The following SLC35F4 variants were observed in gnomAD, a reference collection of about 807,000 sequenced individuals.
SLC35F4 encodes solute carrier family 35 member F4.
In SLC35F4, 24 loss-of-function variants were observed where a neutral mutation model predicts 44.2. The ratio of observed to expected loss-of-function variants is 0.54; its 90% CI spans 0.39 to 0.76. The LOEUF is 0.76. Among genes scored for constraint, SLC35F4 ranks in the 30% least tolerant of loss-of-function variants. The pLI, the probability that SLC35F4 is intolerant of heterozygous loss-of-function variation, is 0.00. For synonymous variants in SLC35F4, 238 were observed against 223.6 expected (o/e 1.06, Z -0.57); for missense variants, 562 against 586.1 (o/e 0.96, Z 0.42).
Position 57,638,388 on chromosome 14 carries a change from A to T in SLC35F4, c.104-44264T>A, listed in dbSNP as rs980020671. Among the ~76,000 whole-genome samples the T allele has an allele frequency of 3.3e-5, 5 of 152,228 alleles. No homozygotes were observed. The South Asian group carries it at 6.2e-4, about 19-fold the overall frequency. ...TAAAAGTCTCAGCCCCAGAGTGAAC[A>T]TGGGTTGTGTGTAACATGTATGTTT... is the stretch of plus-strand genomic sequence containing the variant. On this transcript the variant is annotated intron_variant, in intron 1 of 7. Transcript: ENST00000556826.
chr14:57,706,560 A>T (rs2075681600), intron 1 of SLC35F4, among the ~76,000 whole-genome samples: 1 of 152,210 alleles, frequency 6.6e-6, no homozygotes, highest in African/African-American at 2.4e-5. Flanking sequence ...AGAAATTCAG[A>T]TGCTATTTGA....
At chr14:57,711,569 C>T (rs1242195065) in intron 1 of SLC35F4, among the ~76,000 whole-genome samples, 1 of 152,168 alleles carries the variant, frequency 6.6e-6, no homozygotes, top group Non-Finnish European at 1.5e-5. Context: ...ACAAAAGCCT[C>T]TGTTCCAGAA....
intron 1 of SLC35F4, among the ~76,000 whole-genome samples, chr14:57,944,426 C>T (rs1469907074): frequency 6.6e-6 from 1 of 152,062 alleles, no homozygotes; most frequent in African/African-American, 2.4e-5. Flanking sequence ...GTTCTTGTTT[C>T]CTAACAAAAA....
chr14:57,839,665 T>C (rs1208791981), intron 1 of SLC35F4, among the ~76,000 whole-genome samples: 2 of 151,922 alleles, frequency 1.3e-5, no homozygotes, highest in African/African-American at 4.8e-5. Flanking sequence ...AATACCTAGG[T>C]GATGGGTGGA....
In SLC35F4 at chr14:57,931,793, A is replaced by T. The variant is rs144628104; in HGVS notation, n.282+50120T>A. On this transcript the variant is annotated intron_variant and non_coding_transcript_variant, in intron 1 of 1. Coordinates refer to the SLC35F4 transcript ENST00000556568. ...CCTGCTCTGTCCTTACATTAAATGA[A>T]GCACAAAGCACAATCCAATAGAGGG... 2.0e-3 allele frequency among the ~76,000 whole-genome samples: 303 copies of T among 152,332 alleles called. 3 individuals are homozygous for T. Among genetic ancestry groups the T allele is most frequent in the African/African-American group, 6.3e-3 (262 of 41,586 alleles).
intron 1 of SLC35F4, among the ~76,000 whole-genome samples, chr14:57,916,720 C>T (rs1041826117): frequency 3.9e-5 from 6 of 152,110 alleles, no homozygotes; most frequent in African/African-American, 1.4e-4. Context: ...GGGTACTAGG[C>T]TCACTACCTG....
At chr14:57,626,157 CACTGGG>C (rs1391711862) in intron 1 of SLC35F4, among the ~76,000 whole-genome samples, 21 of 145,876 alleles carry the variant, frequency 1.4e-4, no homozygotes, top group African/African-American at 4.5e-4. Flanking sequence ...GAACATCTCA[CACTGGG>C]ACCTGTTGAG....
chr14:57,749,786 T>G (rs990154943), intron 1 of SLC35F4, among the ~76,000 whole-genome samples: 1 of 152,250 alleles, frequency 6.6e-6, no homozygotes, highest in Non-Finnish European at 1.5e-5. Flanking sequence ...AATTATTTCA[T>G]AGAGAGTGGG....
intron 1 of SLC35F4, among the ~76,000 whole-genome samples, chr14:57,663,891 T>C (rs1402270999): frequency 6.6e-6 from 1 of 152,186 alleles, no homozygotes; most frequent in Non-Finnish European, 1.5e-5. Context: ...CTACACAATC[T>C]GCAGGCATGT....
intron 1 of SLC35F4, among the ~76,000 whole-genome samples, chr14:57,821,289 G>A (rs1883150307): frequency 1.3e-5 from 2 of 152,030 alleles, no homozygotes; most frequent in African/African-American, 2.4e-5. Context: ...TTGGATTTTT[G>A]TGATAGTATA....
In SLC35F4 at chr14:57,729,617, C is replaced by T. The variant is rs190016941; in HGVS notation, c.104-135493G>A. Among the ~76,000 whole-genome samples the T allele has an allele frequency of 3.3e-5, 5 of 152,284 alleles. No homozygotes were observed. The East Asian group carries it at 9.7e-4, about 29-fold the overall frequency. On this transcript the variant is annotated intron_variant, in intron 1 of 7. Transcript: ENST00000556826. ...CTGAGCTGGTATCCAAGGGGAAAGA[C>T]AAAGTCCTCTTTACTCTTCATTCTC...
Position 57,569,998 on chromosome 14 carries a change from C to A in SLC35F4, c.934-18G>T. 6.3e-7 allele frequency: 1 copy of A among 1,576,140 alleles called. No individual in the cohort carries two copies. Among genetic ancestry groups the A allele is most frequent in the Non-Finnish European group, 8.6e-7 (1 of 1,164,974 alleles). On this transcript the variant is annotated intron_variant, in intron 5 of 7. Coordinates refer to ENST00000556826, the MANE Select transcript of SLC35F4 (RefSeq NM_001306087.2). The stretch of plus-strand genomic sequence containing the variant: ...AACAAGACCTGGAATGAGAAAGAAA[C>A]TCTACAGCCACACAGAAACTTAGCC...
chr14:57,840,388 G>A (rs544515944), intron 1 of SLC35F4, among the ~76,000 whole-genome samples: 4 of 152,238 alleles, frequency 2.6e-5, no homozygotes, highest in South Asian at 4.2e-4. Flanking sequence ...GATTAAATTT[G>A]TCATAGAGAC....
intron 1 of SLC35F4, chr14:57,596,881 A>T: frequency 7.3e-7 from 1 of 1,367,484 alleles, no homozygotes; most frequent in Non-Finnish European, 9.8e-7. Flanking sequence ...GAAGAGATCC[A>T]AGAGTAGTTC....
At chr14:57,653,523 G>A (rs2073860108) in intron 1 of SLC35F4, among the ~76,000 whole-genome samples, 1 of 152,226 alleles carries the variant, frequency 6.6e-6, no homozygotes, top group African/African-American at 2.4e-5. Flanking sequence ...TGTTGACTCA[G>A]TGTCCAACCT....
At chr14:57,787,093 A>C (rs1186600959) in intron 1 of SLC35F4, among the ~76,000 whole-genome samples, 1 of 152,210 alleles carries the variant, frequency 6.6e-6, no homozygotes, top group Non-Finnish European at 1.5e-5. Flanking sequence ...GAAACTTTGG[A>C]TACACTCTTA....
At chr14:57,620,369 G>C (rs957710070) in intron 1 of SLC35F4, among the ~76,000 whole-genome samples, 6 of 152,180 alleles carry the variant, frequency 3.9e-5, no homozygotes, top group Non-Finnish European at 5.9e-5. Context: ...AGCCAGAAGA[G>C]GGTGGGGGCC....
chr14:57,868,707 A>G (rs1888234372), upstream of SLC35F4, among the ~76,000 whole-genome samples: 1 of 152,078 alleles, frequency 6.6e-6, no homozygotes, highest in African/African-American at 2.4e-5. Context: ...CGAACTCCTG[A>G]CCTCAGGTGA....
At chr14:57,889,129 T>G (rs1055275236) in intron 1 of SLC35F4, among the ~76,000 whole-genome samples, 7 of 152,224 alleles carry the variant, frequency 4.6e-5, no homozygotes. Flanking sequence ...AACCATGTAT[T>G]TAGCAACCAG....
Sources: allele counts gnomAD v4.1 joint callset (sites outside exome capture counted in the v4.1 genomes callset), GRCh38; gene constraint gnomAD v4.1.1; transcripts MANE v1.5; gene names NCBI Gene and HGNC (gene_info 2026-07-23, HGNC 2026-07-21).